Variants in SCFD2 observed in about 807,000 individuals in gnomAD.
SCFD2 encodes the protein sec1 family domain containing 2, also known as sec1 family domain-containing protein 2.
A neutral mutation model predicts 58.9 loss-of-function variants in SCFD2; 54 were observed. The ratio of observed to expected loss-of-function variants is 0.92; its 90% CI spans 0.74 to 1.15. The LOEUF (loss-of-function observed/expected upper bound fraction) is 1.15. Ranked by LOEUF, SCFD2 falls within the 50% of genes most tolerant of loss-of-function variation. The pLI is 0.00. For synonymous variants in SCFD2, 321 were observed against 335.9 expected (o/e 0.96, Z 0.49); for missense variants, 805 against 836.6 (o/e 0.96, Z 0.47).
At chr4:52,902,549 T>C (rs571380473) in intron 7 of SCFD2, among the ~76,000 whole-genome samples, 14 of 152,374 alleles carry the variant, frequency 9.2e-5, no homozygotes, top group Admixed American at 4.6e-4. Flanking sequence ...GCACTGGCTA[T>C]GTACAGGCAT....
intron 5 of SCFD2, chr4:52,949,485 G>A (rs1720530989): frequency 6.6e-6 from 1 of 152,106 alleles, no homozygotes; most frequent in South Asian, 2.1e-4. Context: ...TGATGTCTGA[G>A]GTCCATTATT....
At chr4:52,970,852 T>G (rs971377677) in intron 5 of SCFD2, among the ~76,000 whole-genome samples, 52 of 152,212 alleles carry the variant, frequency 3.4e-4, no homozygotes, top group Non-Finnish European at 4.9e-4. Context: ...CAACATTTGC[T>G]GCTCACCAAT....
chr4:53,259,628 T>C (rs1425247445), intron 4 of SCFD2, among the ~76,000 whole-genome samples: 2 of 152,224 alleles, frequency 1.3e-5, no homozygotes, highest in Non-Finnish European at 2.9e-5. Flanking sequence ...TATGGACTTA[T>C]AGTATAGTTT....
intron 4 of SCFD2, among the ~76,000 whole-genome samples, chr4:53,162,195 T>G (rs1726873463): frequency 6.6e-6 from 1 of 152,124 alleles, no homozygotes; most frequent in Non-Finnish European, 1.5e-5. Context: ...AAGCAACAAT[T>G]TTGCAACTCT....
At chr4:53,234,388 C>A (rs1729531762) in intron 4 of SCFD2, among the ~76,000 whole-genome samples, 1 of 152,146 alleles carries the variant, frequency 6.6e-6, no homozygotes, top group African/African-American at 2.4e-5. Flanking sequence ...ATTTATATTT[C>A]TTGGAAGTAG....
intron 5 of SCFD2, among the ~76,000 whole-genome samples, chr4:52,961,250 C>G (rs567115822): frequency 6.6e-6 from 1 of 152,160 alleles, no homozygotes; most frequent in South Asian, 2.1e-4. Context: ...TTGCTGGAAC[C>G]ATGGGAAAGG....
chr4:53,257,088 G>A (rs141383047), intron 4 of SCFD2, among the ~76,000 whole-genome samples: 20 of 147,188 alleles, frequency 1.4e-4, no homozygotes, highest in African/African-American at 1.8e-4. Context: ...CTACACATGC[G>A]CCCCTGAACC....
chr4:53,209,108 G>C (rs1252843218), intron 4 of SCFD2, among the ~76,000 whole-genome samples: 2 of 152,258 alleles, frequency 1.3e-5, no homozygotes, highest in East Asian at 3.9e-4. Flanking sequence ...AAACTGAAAT[G>C]AGTTGGTCAT....
chr4:52,957,549 T>C (rs1720739515), intron 5 of SCFD2: 2 of 152,244 alleles, frequency 1.3e-5, no homozygotes, highest in Non-Finnish European at 2.9e-5. Flanking sequence ...GCCAACATAC[T>C]AACCGGCTCC....
At chr4:52,953,311 C>T (rs1466015674) in intron 5 of SCFD2, among the ~76,000 whole-genome samples, 1 of 152,170 alleles carries the variant, frequency 6.6e-6, no homozygotes, top group Non-Finnish European at 1.5e-5. Flanking sequence ...ACCTATAGAC[C>T]TGGTGTCAGT....
intron 4 of SCFD2, among the ~76,000 whole-genome samples, chr4:53,237,879 T>C (rs868234443): frequency 2.2e-4 from 2 of 9,252 alleles, no homozygotes; most frequent in Admixed American, 1.3e-3. Flanking sequence ...TCTCCCTCCC[T>C]GACGGGGCGG....
intron 5 of SCFD2, among the ~76,000 whole-genome samples, chr4:53,028,677 A>C (rs1369385485): frequency 6.6e-6 from 1 of 152,144 alleles, no homozygotes; most frequent in East Asian, 1.9e-4. Context: ...GAGTAAGAAG[A>C]AAAAAAGAAG....
chr4:52,930,156 C>T (rs1719955900), intron 5 of SCFD2, among the ~76,000 whole-genome samples: 3 of 152,170 alleles, frequency 2.0e-5, no homozygotes, highest in Non-Finnish European at 4.4e-5. Context: ...CAAAGACAGA[C>T]ACATAGACCA....
intron 4 of SCFD2, among the ~76,000 whole-genome samples, chr4:53,230,424 A>G: frequency 6.6e-6 from 1 of 152,184 alleles, no homozygotes. Context: ...CATATACACC[A>G]TGGAATACTA....
chr4:53,028,613 C>T (rs938097201), intron 5 of SCFD2, among the ~76,000 whole-genome samples: 4 of 151,872 alleles, frequency 2.6e-5, no homozygotes, highest in Non-Finnish European at 4.4e-5. Flanking sequence ...AGATGGAATG[C>T]TTCTTATTCA....
intron 5 of SCFD2, among the ~76,000 whole-genome samples, chr4:53,094,721 A>C (rs2148869063): frequency 6.6e-6 from 1 of 152,180 alleles, no homozygotes; most frequent in Middle Eastern, 3.4e-3. Flanking sequence ...TATCTTAAAA[A>C]AAAAAATCTC....
At chr4:53,187,765 G>T (rs961688566) in intron 4 of SCFD2, among the ~76,000 whole-genome samples, 1 of 151,904 alleles carries the variant, frequency 6.6e-6, no homozygotes, top group Non-Finnish European at 1.5e-5. Flanking sequence ...TGAAAGGAAA[G>T]ATATCAAAAT....
At chr4:52,970,254 A>G (rs922403085) in intron 5 of SCFD2, among the ~76,000 whole-genome samples, 2 of 152,228 alleles carry the variant, frequency 1.3e-5, no homozygotes, top group African/African-American at 4.8e-5. Context: ...GGGTCAGGGA[A>G]TTCCCTTTCC....
At chr4:53,023,054 TG>T (rs1722386754) in intron 5 of SCFD2, among the ~76,000 whole-genome samples, 1 of 152,132 alleles carries the variant, frequency 6.6e-6, no homozygotes, top group African/African-American at 2.4e-5. Flanking sequence ...ATTTAATTTA[TG>T]GTGATCATGA....
Sources: allele counts gnomAD v4.1 joint callset (sites outside exome capture counted in the v4.1 genomes callset), GRCh38; gene constraint gnomAD v4.1.1; transcripts MANE v1.5; gene names NCBI Gene and HGNC (gene_info 2026-07-23, HGNC 2026-07-21).